The following WDR41 variants were observed in gnomAD, a reference collection of about 807,000 sequenced individuals.
WDR41 encodes WD repeat-containing protein 41.
In WDR41, 63 loss-of-function variants were observed where a neutral mutation model predicts 69.3. The observed-to-expected ratio is 0.91, with a 90% confidence interval of 0.74 to 1.12. The LOEUF is 1.12. Ranked by LOEUF, WDR41 falls within the 50% of genes most tolerant of loss-of-function variation. The probability of loss-of-function intolerance (pLI) is 0.00; values close to 1 mark genes in which losing one functional copy is unlikely to be tolerated. For missense variants in WDR41, 543 were observed against 534.5 expected (o/e 1.02, Z -0.16); for synonymous variants, 185 against 192.1 (o/e 0.96, Z 0.31).
At chr5:77,568,235 A>G (rs1743672923) in intron 1 of WDR41, among the ~76,000 whole-genome samples, 1 of 152,188 alleles carries the variant, frequency 6.6e-6, no homozygotes, top group Admixed American at 6.5e-5. Context: ...CTATTCTGCC[A>G]TGCTCTGATC....
Position 77,524,142 on chromosome 5 carries a change from T to A in WDR41, c.43-34570A>T, listed in dbSNP as rs149186860. Among the ~76,000 whole-genome samples, 7 of 152,298 alleles carry A rather than the reference T, an allele frequency of 4.6e-5. No homozygotes were observed. In the East Asian group the frequency reaches 1.3e-3, roughly 29 times the overall value. On this transcript the variant is annotated intron_variant, in intron 1 of 5. Transcript: ENST00000509971. ...GTCCTAAAGAAAATATGACAGATTT[T>A]CCCCCAGAGCTTTACTGAGGTGTAG... is the stretch of plus-strand genomic sequence containing the variant.
At chr5:77,435,823 C>T (rs1374991642) in intron 12 of WDR41, among the ~76,000 whole-genome samples, 6 of 152,308 alleles carry the variant, frequency 3.9e-5, no homozygotes, top group African/African-American at 1.4e-4. Context: ...TTCATTAAAG[C>T]TAACAAACTA....
At chr5:77,527,357 G>A (rs1211807857) in intron 1 of WDR41, among the ~76,000 whole-genome samples, 2 of 151,828 alleles carry the variant, frequency 1.3e-5, no homozygotes, top group Non-Finnish European at 2.9e-5. Flanking sequence ...GTAATATCAA[G>A]CAGTCATATT....
intron 2 of WDR41, among the ~76,000 whole-genome samples, chr5:77,475,691 C>G (rs1160826376): frequency 6.6e-6 from 1 of 152,114 alleles, no homozygotes; most frequent in East Asian, 1.9e-4. Context: ...CATCAAAGAC[C>G]AAAACTAGAC....
At chr5:77,619,800 CAG>C (rs1250717455) in intron 1 of WDR41, among the ~76,000 whole-genome samples, 1 of 152,126 alleles carries the variant, frequency 6.6e-6, no homozygotes, top group African/African-American at 2.4e-5. Flanking sequence ...AGCCAGGAAA[CAG>C]AGGTGACTTC....
chr5:77,572,044 T>C (rs1054583357), intron 1 of WDR41, among the ~76,000 whole-genome samples: 1 of 152,104 alleles, frequency 6.6e-6, no homozygotes, highest in African/African-American at 2.4e-5. Flanking sequence ...TGGGTTAGTG[T>C]GTTCAGGATG....
chr5:77,566,110 C>T (rs946196360), intron 1 of WDR41, among the ~76,000 whole-genome samples: 4 of 152,070 alleles, frequency 2.6e-5, no homozygotes, highest in Non-Finnish European at 5.9e-5. Context: ...AATTTCAGTT[C>T]TTCCTCTTGT....
intron 1 of WDR41, among the ~76,000 whole-genome samples, chr5:77,526,981 T>C (rs1802459042): frequency 6.6e-6 from 1 of 152,062 alleles, no homozygotes; most frequent in African/African-American, 2.4e-5. Context: ...CTACTGTCTC[T>C]TTCCACATCT....
chr5:77,472,558 T>C (rs558753958), intron 2 of WDR41, among the ~76,000 whole-genome samples: 2 of 152,282 alleles, frequency 1.3e-5, no homozygotes, highest in African/African-American at 2.4e-5. Flanking sequence ...CTTAAGCTGA[T>C]AGGCAACTTC....
intron 1 of WDR41, among the ~76,000 whole-genome samples, chr5:77,605,219 T>C (rs894245870): frequency 2.4e-4 from 37 of 152,322 alleles, no homozygotes; most frequent in African/African-American, 8.4e-4. Flanking sequence ...TGGACAGTTT[T>C]CTGCTTCTGC....
chr5:77,434,680 G>A (rs1798871125), intron 12 of WDR41, among the ~76,000 whole-genome samples: 1 of 152,030 alleles, frequency 6.6e-6, no homozygotes, highest in African/African-American at 2.4e-5. Context: ...CTGGGCAACA[G>A]AGTGAGATGC....
Position 77,492,282 on chromosome 5 carries a change from C to T in WDR41, c.-62G>A, listed in dbSNP as rs1376375028. The T allele has an allele frequency of 5.6e-6, 9 of 1,600,842 alleles. No individual in the cohort carries two copies. In the East Asian group the frequency reaches 6.7e-5, roughly 12 times the overall value. Reference sequence around the variant, plus strand: ...GTCAGCCCAAACTCCGCCCCAGGCTCGGCCTCCTCCTTCCTCCCCGGCTGC... The same window carrying T: ...GTCAGCCCAAACTCCGCCCCAGGCTTGGCCTCCTCCTTCCTCCCCGGCTGC... On this transcript the variant is annotated 5_prime_UTR_variant, in exon 1 of 13. Transcript: ENST00000296679.
At chr5:77,619,234 T>A (rs189291176) in intron 1 of WDR41, among the ~76,000 whole-genome samples, 2 of 152,346 alleles carry the variant, frequency 1.3e-5, no homozygotes, top group East Asian at 3.9e-4. Context: ...TCAAAGTCGA[T>A]ATTGCATTTC....
chr5:77,448,886 AACAAAC>A (rs1285369723), intron 8 of WDR41, among the ~76,000 whole-genome samples: 1 of 151,110 alleles, frequency 6.6e-6, no homozygotes, highest in African/African-American at 2.4e-5. Flanking sequence ...CAAACAAACA[AACAAAC>A]ACAAACAAAA....
At chr5:77,581,797 T>A (rs1404775406) in intron 1 of WDR41, among the ~76,000 whole-genome samples, 1 of 152,096 alleles carries the variant, frequency 6.6e-6, no homozygotes, top group Non-Finnish European at 1.5e-5. Flanking sequence ...TACTTTCAGA[T>A]GAATGAAAAG....
chr5:77,435,027 C>G (rs1176161891), intron 12 of WDR41, among the ~76,000 whole-genome samples: 1 of 152,200 alleles, frequency 6.6e-6, no homozygotes, highest in African/African-American at 2.4e-5. Flanking sequence ...TTATCCCCTA[C>G]TAGTGTCTGT....
intron 1 of WDR41, among the ~76,000 whole-genome samples, chr5:77,510,198 TAA>T (rs1486390377): frequency 6.6e-6 from 1 of 152,170 alleles, no homozygotes; most frequent in Non-Finnish European, 1.5e-5. Flanking sequence ...GAGCAGCAAG[TAA>T]CATCTTACAT....
At chr5:77,501,795 G>A (rs1802021436) in intron 1 of WDR41, among the ~76,000 whole-genome samples, 1 of 152,070 alleles carries the variant, frequency 6.6e-6, no homozygotes, top group South Asian at 2.1e-4. Flanking sequence ...TGAGGGTCCT[G>A]ACTGTTAGAA....
intron 1 of WDR41, among the ~76,000 whole-genome samples, chr5:77,580,923 T>C (rs529012758): frequency 3.4e-4 from 52 of 151,842 alleles, no homozygotes; most frequent in African/African-American, 1.2e-3. Flanking sequence ...ACTACTGCAC[T>C]CCAGCCTGGG....
Sources: allele counts gnomAD v4.1 joint callset (sites outside exome capture counted in the v4.1 genomes callset), GRCh38; gene constraint gnomAD v4.1.1; transcripts MANE v1.5; gene names NCBI Gene and HGNC (gene_info 2026-07-23, HGNC 2026-07-21).